The following SLC9A4 variants were observed in gnomAD, a reference collection of about 807,000 sequenced individuals.
The protein encoded by SLC9A4 is sodium/hydrogen exchanger 4.
In SLC9A4, 63 loss-of-function variants were observed where a neutral mutation model predicts 67.4. The observed-to-expected ratio is 0.93, with a 90% CI of 0.76 to 1.15. The LOEUF is 1.15. Among genes scored for constraint, SLC9A4 ranks in the 50% most tolerant of loss-of-function variants. The pLI, the probability that SLC9A4 is intolerant of heterozygous loss-of-function variation, is 0.00. For missense variants in SLC9A4, 1,089 were observed against 987.7 expected, an observed-to-expected ratio of 1.10 and a Z score of -1.38; for synonymous variants, 393 against 367.2, an observed-to-expected ratio of 1.07 and a Z score of -0.80.
At chr2:102,523,240 C>G (rs930762674) in intron 9 of SLC9A4, among the ~76,000 whole-genome samples, 1 of 152,014 alleles carries the variant, frequency 6.6e-6, no homozygotes, top group African/African-American at 2.4e-5. Context: ...TCCTGAAGTG[C>G]TAGGATTACC....
intron 2 of SLC9A4, 32 bp downstream of exon 2, chr2:102,479,334 G>A (rs1473648895): frequency 6.4e-7 from 1 of 1,568,640 alleles, no homozygotes; most frequent in Non-Finnish European, 8.6e-7. Flanking sequence ...CGGCTTCCGG[G>A]GGAGATGAGG....
intron 5 of SLC9A4, 131 bp downstream of exon 5, chr2:102,508,412 G>A (rs1443494681): frequency 2.4e-6 from 2 of 832,254 alleles, no homozygotes; most frequent in Non-Finnish European, 3.6e-6. Flanking sequence ...AATTTCCGGA[G>A]ATTTCTAGAT....
intron 10 of SLC9A4, among the ~76,000 whole-genome samples, chr2:102,525,880 C>T (rs1322165605): frequency 6.6e-6 from 1 of 152,104 alleles, no homozygotes; most frequent in East Asian, 1.9e-4. Context: ...TGTTCTTCCC[C>T]TTATTTTATT....
intron 5 of SLC9A4, 132 bp downstream of exon 5, chr2:102,508,413 AT>A: frequency 1.2e-6 from 1 of 832,734 alleles, no homozygotes; most frequent in South Asian, 1.9e-5. Context: ...ATTTCCGGAG[AT>A]TTCTAGATCA....
At chr2:102,511,740 T>C (rs1558669165) in intron 6 of SLC9A4, among the ~76,000 whole-genome samples, 1 of 152,014 alleles carries the variant, frequency 6.6e-6, no homozygotes, top group Non-Finnish European at 1.5e-5. Context: ...TATAGTAGAA[T>C]ATTAACAGAA....
At chr2:102,521,888 T>C (rs1333822894) in intron 9 of SLC9A4, among the ~76,000 whole-genome samples, 1 of 152,150 alleles carries the variant, frequency 6.6e-6, no homozygotes, top group South Asian at 2.1e-4. Context: ...ATGCAGAGTT[T>C]GACTCTGGGC....
intron 2 of SLC9A4, among the ~76,000 whole-genome samples, chr2:102,489,372 A>C (rs1433715192): frequency 6.6e-6 from 1 of 152,142 alleles, no homozygotes. Flanking sequence ...ATTGAAAGAA[A>C]TTGTTCGGTA....
At chr2:102,508,723 C>T (rs6724322) in intron 5 of SLC9A4, 124 bp from the exon 6 acceptor site, 507,074 of 660,482 alleles carry the variant, frequency 0.77, 197,048 homozygotes, top group African/African-American at 0.95. Flanking sequence ...GCAGCATTTA[C>T]TCTGTAATAG....
At chr2:102,483,789 C>T (rs1684518686) in intron 2 of SLC9A4, among the ~76,000 whole-genome samples, 1 of 124,574 alleles carries the variant, frequency 8.0e-6, no homozygotes, top group Non-Finnish European at 1.6e-5. Flanking sequence ...AACTATCTCA[C>T]CATGTACAGC....
chr2:102,505,442 T>A lies in SLC9A4; in HGVS notation c.1169T>A (p.Leu390Gln). The change falls in exon 4 of 12, where the codon CTG becomes CAG. Residue 390 changes from leucine to glutamine, a missense_variant. Leu to Gln is a moderately radical substitution (Grantham distance 113). Transcript: ENST00000295269. ...EWNWAFICFT[L>Q]AFCQIWRAIS... ...AACTGGGCCTTCATCTGCTTCACCC[T>A]GGCCTTCTGCCAAATCTGGAGAGCC... The A allele has an allele frequency of 6.2e-7, 1 of 1,614,158 alleles. No homozygotes were observed. Among genetic ancestry groups the A allele is most frequent in the African/African-American group, 1.3e-5 (1 of 75,066 alleles).
At chr2:102,481,922 A>G (rs1267522526) in intron 2 of SLC9A4, among the ~76,000 whole-genome samples, 2 of 152,114 alleles carry the variant, frequency 1.3e-5, no homozygotes, top group African/African-American at 2.4e-5. Context: ...TTTATGCAAC[A>G]ATAGTACAGA....
At chr2:102,500,345 G>A (rs1015958353) in intron 2 of SLC9A4, among the ~76,000 whole-genome samples, 19 of 152,180 alleles carry the variant, frequency 1.2e-4, no homozygotes, top group African/African-American at 3.6e-4. Flanking sequence ...CCGACATCTC[G>A]AGTCCAGACT....
rs1044310441 is a variant in SLC9A4 at position 102,533,442 on chromosome 2, G to A, written c.*754G>A. ...ACAAGTATTTATAAGGGGTGCATTT[G>A]TAGGGTGTGACATTTTACCCTAGGG... On this transcript the variant is annotated 3_prime_UTR_variant, in exon 12 of 12. Transcript: ENST00000295269. The A allele has an allele frequency of 6.6e-6, 1 of 152,088 alleles. No individual in the cohort carries two copies. The highest frequency in any genetic ancestry group is 2.4e-5 in the African/African-American group (1 of 41,328). The allele number at this position is 152,088 out of a possible 1,614,324, so 9.4% of individuals were successfully genotyped here.
chr2:102,524,957 A>G, intron 9 of SLC9A4, 67 bp from the exon 10 acceptor site: 1 of 1,593,150 alleles, frequency 6.3e-7, no homozygotes, highest in Non-Finnish European at 8.6e-7. Flanking sequence ...TGATGTTTCC[A>G]TGGCTTCCTT....
rs763385863 is a variant in SLC9A4, at chr2:102,532,624, C to G, written c.2333C>G (p.Thr778Arg). ...ASLVEVRSRW[T>R]ADHGHGRDHH... ...TTGGTTGAGGTTCGGTCGAGGTGGA[C>G]AGCTGACCATGGACACGGCAGGGAC... The change falls in exon 12 of 12, where the codon ACA (threonine) becomes AGA (arginine). Residue 778 changes from threonine (T) to arginine (R), a missense_variant. Transcript: ENST00000295269. 2 of 1,613,874 alleles carry G rather than the reference C, an allele frequency of 1.2e-6. No individual in the cohort carries two copies. The highest frequency in any genetic ancestry group is 1.1e-5 in the South Asian group (1 of 91,068).
chr2:102,505,045 A>G (rs1685020838), intron 3 of SLC9A4, among the ~76,000 whole-genome samples: 1 of 151,970 alleles, frequency 6.6e-6, no homozygotes, highest in Non-Finnish European at 1.5e-5. Context: ...CCTTCCCACC[A>G]CATTCACCTT....
intron 9 of SLC9A4, among the ~76,000 whole-genome samples, chr2:102,523,683 C>A (rs1674597130): frequency 2.0e-5 from 3 of 152,208 alleles, no homozygotes; most frequent in Non-Finnish European, 4.4e-5. Flanking sequence ...TGGCAGGCTG[C>A]CTGTGGCCTG....
intron 11 of SLC9A4, among the ~76,000 whole-genome samples, chr2:102,531,782 C>T (rs1295733853): frequency 2.6e-5 from 4 of 152,164 alleles, no homozygotes; most frequent in Non-Finnish European, 4.4e-5. Context: ...CCTGCTTAGT[C>T]CTCTGAAAGG....
intron 2 of SLC9A4, among the ~76,000 whole-genome samples, chr2:102,487,651 G>A (rs1684615617): frequency 6.6e-6 from 1 of 152,192 alleles, no homozygotes; most frequent in Non-Finnish European, 1.5e-5. Flanking sequence ...TGTACAAATT[G>A]GCTTTCAACT....
Sources: gnomAD v4.1 joint callset for allele counts (sites outside exome capture counted in the v4.1 genomes callset) on GRCh38, gnomAD v4.1.1 for gene constraint, MANE v1.5 for transcripts, NCBI Gene and HGNC (gene_info 2026-07-23, HGNC 2026-07-21) for gene names.